LDAH: variants seen among roughly 807,000 people sequenced by gnomAD.
The protein encoded by LDAH is lipid droplet associated hydrolase, also known as lipid droplet-associated hydrolase.
A neutral mutation model predicts 29.6 loss-of-function variants in LDAH; 26 were observed. That is an observed-to-expected ratio of 0.88 (90% CI 0.64 to 1.22). LDAH has a LOEUF of 1.22. Among genes scored for constraint, LDAH ranks in the 50% most tolerant of loss-of-function variants. The pLI is 0.00. For missense variants in LDAH, 344 were observed against 387.3 expected, an observed-to-expected ratio of 0.89 and a Z score of 0.94; for synonymous variants, 117 against 133.0, an observed-to-expected ratio of 0.88 and a Z score of 0.83.
At chr2:20,811,337 T>C (rs879594869) in intron 1 of LDAH, among the ~76,000 whole-genome samples, 1 of 151,678 alleles carries the variant, frequency 6.6e-6, no homozygotes, top group African/African-American at 2.4e-5. Context: ...TAAAAACTGA[T>C]TTGACTATAT....
In LDAH at chr2:20,686,690, T is replaced by TAA; in HGVS notation, c.*212_*213insTT. ...TGTGTAGATCACTGTGTTCCCTGAG[T>TAA]CTTGGAAAATGTATGGTTAAACCTA... On this transcript the variant is annotated 3_prime_UTR_variant, in exon 7 of 7. Coordinates refer to ENST00000237822, the MANE Select transcript of LDAH (RefSeq NM_021925.4). The TAA allele has an allele frequency of 2.3e-6, 1 of 441,624 alleles. No individual in the cohort carries two copies. The highest frequency in any genetic ancestry group is 4.0e-6 in the Non-Finnish European group (1 of 247,850). The allele number at this position is 441,624 out of a possible 1,614,324, so 27.4% of individuals were successfully genotyped here.
In LDAH at chr2:20,818,045, A is replaced by G. The variant is rs1015060723; in HGVS notation, c.-3+4992T>C. On this transcript the variant is annotated intron_variant, in intron 1 of 6. Transcript: ENST00000237822. ...AATAATTCTTTATCTTGATTACGGT[A>G]GTTATAAGAAGCTACACATAGACCT... Among the ~76,000 whole-genome samples, 8 of 152,170 alleles carry G rather than the reference A, an allele frequency of 5.3e-5. 1 individual carries two copies. Among genetic ancestry groups the G allele is most frequent in the South Asian group, 4.1e-4 (2 of 4,830 alleles).
intron 1 of LDAH, among the ~76,000 whole-genome samples, chr2:20,821,019 T>C (rs1037741211): frequency 6.6e-6 from 1 of 151,822 alleles, no homozygotes; most frequent in Non-Finnish European, 1.5e-5. Context: ...GAAAAAATGC[T>C]CATCATCACT....
intron 3 of LDAH, chr2:20,788,889 G>T: frequency 7.5e-5 from 27 of 360,620 alleles, no homozygotes; most frequent in South Asian, 2.6e-4. Context: ...TTATTTTTTG[G>T]AACAGTGAAC....
chr2:20,802,648 C>T lies in LDAH; in HGVS notation c.-2-1183G>A, dbSNP rs77733348. 8.1e-4 allele frequency among the ~76,000 whole-genome samples: 124 copies of T among 152,274 alleles called. 1 individual carries two copies. The East Asian group carries it at 0.019, about 24-fold the overall frequency. ...ATTCAAAGGGCCCTTCTAGCTTATTCTCCTCTTACCACTTTACATCAGCCT... is the reference window on the plus strand; with the variant it reads ...ATTCAAAGGGCCCTTCTAGCTTATTTTCCTCTTACCACTTTACATCAGCCT... On this transcript the variant is annotated intron_variant, in intron 1 of 6. Coordinates refer to ENST00000237822, the MANE Select transcript of LDAH (RefSeq NM_021925.4).
At chr2:20,804,297 T>G (rs1048515534) in intron 1 of LDAH, among the ~76,000 whole-genome samples, 1 of 152,184 alleles carries the variant, frequency 6.6e-6, no homozygotes, top group Non-Finnish European at 1.5e-5. Context: ...AAAAATGGCT[T>G]TGCAAAGCAA....
intron 4 of LDAH, among the ~76,000 whole-genome samples, chr2:20,749,017 T>C (rs920894365): frequency 1.3e-5 from 2 of 152,186 alleles, no homozygotes; most frequent in African/African-American, 4.8e-5. Context: ...ATTCCTTAGA[T>C]CTACTGGTTG....
At chr2:20,808,061 A>C (rs1672199057) in intron 1 of LDAH, among the ~76,000 whole-genome samples, 1 of 152,212 alleles carries the variant, frequency 6.6e-6, no homozygotes, top group Non-Finnish European at 1.5e-5. Flanking sequence ...CAATTTGAAA[A>C]TAAAACATAA....
At chr2:20,790,952 A>G (rs926973165) in intron 2 of LDAH, among the ~76,000 whole-genome samples, 10 of 152,180 alleles carry the variant, frequency 6.6e-5, no homozygotes, top group African/African-American at 2.4e-4. Context: ...TGTAGGGGGG[A>G]AATTACAACG....
chr2:20,717,558 A>T lies in LDAH; in HGVS notation c.704-15906T>A, dbSNP rs1665310449. Among the ~76,000 whole-genome samples the T allele has an allele frequency of 2.6e-5, 4 of 152,292 alleles. No individual in the cohort carries two copies. In the South Asian group the frequency reaches 8.3e-4, roughly 32 times the overall value. The stretch of plus-strand genomic sequence containing the variant: ...TGATATATGCTGGAGTGCCAAATGG[A>T]CTCACAGACAAACTGACTACCACAA... On this transcript the variant is annotated intron_variant, in intron 5 of 6. Transcript: ENST00000237822.
At chr2:20,744,223 ATTT>A (rs3047719) in intron 4 of LDAH, among the ~76,000 whole-genome samples, 25,251 of 131,168 alleles carry the variant, frequency 0.19, 2,309 homozygotes, top group Admixed American at 0.26. Context: ...TTCTCCTCAG[ATTT>A]TTTTTTTTTT....
chr2:20,819,662 G>C (rs961693820), intron 1 of LDAH, among the ~76,000 whole-genome samples: 1 of 152,120 alleles, frequency 6.6e-6, no homozygotes, highest in Non-Finnish European at 1.5e-5. Context: ...ATATCATACT[G>C]AATGGGCAAA....
intron 4 of LDAH, among the ~76,000 whole-genome samples, chr2:20,753,948 T>C (rs556519256): frequency 1.3e-5 from 2 of 152,294 alleles, no homozygotes; most frequent in South Asian, 4.2e-4. Flanking sequence ...CATAAGTCCA[T>C]GCTGATAAAT....
chr2:20,797,938 A>G (rs563235110), intron 2 of LDAH, among the ~76,000 whole-genome samples: 1 of 152,322 alleles, frequency 6.6e-6, no homozygotes, highest in African/African-American at 2.4e-5. Context: ...AAGGTGCTTC[A>G]CTGTAAAATT....
intron 3 of LDAH, among the ~76,000 whole-genome samples, chr2:20,779,460 CCTTT>C (rs1164303057): frequency 3.3e-5 from 5 of 151,696 alleles, no homozygotes; most frequent in Non-Finnish European, 7.4e-5. Flanking sequence ...CTCATGTATA[CCTTT>C]TTTTTTAAGA....
chr2:20,718,304 G>C (rs923231002), intron 5 of LDAH, among the ~76,000 whole-genome samples: 3 of 151,996 alleles, frequency 2.0e-5, no homozygotes, highest in African/African-American at 7.2e-5. Flanking sequence ...TAGAGTAAAA[G>C]TGAAGAGATG....
rs555409032 is a variant in LDAH at position 20,740,246 on chromosome 2, A to G, written c.469-41T>C. The G allele has an allele frequency of 2.2e-6, 3 of 1,335,676 alleles. No individual in the cohort carries two copies. The African/African-American group carries it at 4.3e-5, about 19-fold the overall frequency. The allele number at this position is 1,335,676 out of a possible 1,614,324, so 82.7% of individuals were successfully genotyped here. The stretch of plus-strand genomic sequence containing the variant: ...ATACTTTGATGAGAGGTTTTCTTAA[A>G]GGATAGGTCCATTACTTATTGTCTC... On this transcript the variant is annotated intron_variant, in intron 4 of 6. Coordinates refer to ENST00000237822, the MANE Select transcript of LDAH (RefSeq NM_021925.4).
chr2:20,737,973 G>A (rs1666909064), intron 5 of LDAH, among the ~76,000 whole-genome samples: 1 of 152,068 alleles, frequency 6.6e-6, no homozygotes, highest in South Asian at 2.1e-4. Context: ...CGATTCTTGG[G>A]CCGGACATGG....
chr2:20,789,554 C>A (rs1670800290), intron 3 of LDAH, among the ~76,000 whole-genome samples: 1 of 152,082 alleles, frequency 6.6e-6, no homozygotes, highest in Non-Finnish European at 1.5e-5. Flanking sequence ...CTTTGTTTAC[C>A]CCTTAGGTGT....
Sources: gnomAD v4.1 joint callset for allele counts (sites outside exome capture counted in the v4.1 genomes callset) on GRCh38, gnomAD v4.1.1 for gene constraint, MANE v1.5 for transcripts, NCBI Gene and HGNC (gene_info 2026-07-23, HGNC 2026-07-21) for gene names.